Variants in NELL1 observed in about 807,000 individuals in gnomAD.
NELL1 encodes the protein protein kinase C-binding protein NELL1.
Under a neutral mutation model 107.4 loss-of-function variants are expected in NELL1, and 76 were observed. The ratio of observed to expected loss-of-function variants is 0.71; its 90% CI spans 0.59 to 0.86. The LOEUF is 0.86. Among genes scored for constraint, NELL1 ranks in the 40% least tolerant of loss-of-function variants. NELL1 has a pLI of 0.00. For missense variants in NELL1, 1,024 were observed against 1,005.5 expected (o/e 1.02, Z -0.25); for synonymous variants, 353 against 341.2 (o/e 1.03, Z -0.38).
At chr11:21,337,837 T>TTGCTTGCTTTCTTTC (rs1555006224) in intron 14 of NELL1, among the ~76,000 whole-genome samples, 4 of 86,614 alleles carry the variant, frequency 4.6e-5, no homozygotes, top group African/African-American at 1.4e-4. Context: ...TCTTTCTTTC[T>TTGCTTGCTTTCTTTC]TTTCTTTCTT....
intron 15 of NELL1, among the ~76,000 whole-genome samples, chr11:21,436,292 G>T (rs913527742): frequency 6.6e-6 from 1 of 152,000 alleles, no homozygotes; most frequent in Non-Finnish European, 1.5e-5. Flanking sequence ...TGACCTCGTG[G>T]TCAGCCCGCC....
At chr11:20,728,600 T>C (rs1855561753) in intron 2 of NELL1, among the ~76,000 whole-genome samples, 1 of 152,074 alleles carries the variant, frequency 6.6e-6, no homozygotes, top group Admixed American at 6.6e-5. Flanking sequence ...TTTTCAACTT[T>C]GTTAATAATT....
At chr11:21,314,781 G>A (rs1849837562) in intron 14 of NELL1, among the ~76,000 whole-genome samples, 2 of 152,232 alleles carry the variant, frequency 1.3e-5, no homozygotes, top group Middle Eastern at 3.4e-3. Context: ...AAGGTGAGCT[G>A]ACATTTTAGA....
intron 15 of NELL1, among the ~76,000 whole-genome samples, chr11:21,484,604 T>C (rs1347727197): frequency 6.6e-6 from 1 of 151,394 alleles, no homozygotes; most frequent in Non-Finnish European, 1.5e-5. Context: ...GTATAGTAGA[T>C]GATATGCATA....
At chr11:20,794,844 C>T (rs999913448) in intron 3 of NELL1, among the ~76,000 whole-genome samples, 10 of 152,062 alleles carry the variant, frequency 6.6e-5, no homozygotes, top group East Asian at 1.9e-4. Flanking sequence ...TGGTAATGTT[C>T]GATTTTCAGT....
chr11:20,975,834 C>CATATGTGTATTATATATACAT (rs1263271108), intron 12 of NELL1, among the ~76,000 whole-genome samples: 11 of 117,208 alleles, frequency 9.4e-5, no homozygotes, highest in Non-Finnish European at 1.9e-4. Context: ...TATATATGTA[C>CATATGTGTATTATATATACAT]ATATGTGTAT....
intron 12 of NELL1, among the ~76,000 whole-genome samples, chr11:21,041,699 C>T (rs1853236410): frequency 6.6e-6 from 1 of 152,172 alleles, no homozygotes; most frequent in Non-Finnish European, 1.5e-5. Context: ...AAACCTAGAC[C>T]TTGATTTAGT....
intron 2 of NELL1, among the ~76,000 whole-genome samples, chr11:20,696,891 A>G (rs1216734395): frequency 6.6e-5 from 10 of 152,172 alleles, no homozygotes; most frequent in Non-Finnish European, 1.5e-4. Context: ...ATAAAACAAA[A>G]GTGAGGTATG....
intron 13 of NELL1, among the ~76,000 whole-genome samples, chr11:21,150,601 G>A (rs1245850980): frequency 6.6e-6 from 1 of 152,178 alleles, no homozygotes; most frequent in Non-Finnish European, 1.5e-5. Context: ...AGGACACTGA[G>A]ATAAAAGTAT....
chr11:20,724,507 T>C (rs4922994), intron 2 of NELL1, among the ~76,000 whole-genome samples: 80,579 of 152,002 alleles, frequency 0.53, 23,861 homozygotes, highest in Middle Eastern at 0.75. Flanking sequence ...CATAGATTCC[T>C]AGGGCAGGGG....
At chr11:21,273,711 GA>G (rs1848791512) in intron 14 of NELL1, among the ~76,000 whole-genome samples, 1 of 152,234 alleles carries the variant, frequency 6.6e-6, no homozygotes. Flanking sequence ...TCTCTCGGCA[GA>G]AACTCTACAA....
intron 13 of NELL1, among the ~76,000 whole-genome samples, chr11:21,227,171 TTTCTC>T (rs1200925979): frequency 1.3e-5 from 2 of 152,188 alleles, no homozygotes; most frequent in African/African-American, 2.4e-5. Context: ...CAAGAGGACT[TTTCTC>T]TTCTCTCCAT....
intron 14 of NELL1, among the ~76,000 whole-genome samples, chr11:21,258,391 CA>C (rs1249158865): frequency 6.6e-6 from 1 of 151,850 alleles, no homozygotes; most frequent in Non-Finnish European, 1.5e-5. Context: ...TCCAGAGAAA[CA>C]GAAGTAATAG....
intron 12 of NELL1, among the ~76,000 whole-genome samples, chr11:21,059,624 G>T (rs574777183): frequency 6.2e-4 from 94 of 152,188 alleles, no homozygotes; most frequent in African/African-American, 2.3e-3. Flanking sequence ...ATACACTAGG[G>T]TCTGAAAGTG....
At chr11:20,885,953 G>GA (rs928631666) in intron 5 of NELL1, among the ~76,000 whole-genome samples, 2 of 152,184 alleles carry the variant, frequency 1.3e-5, no homozygotes, top group African/African-American at 4.8e-5. Flanking sequence ...GTCTAGATAT[G>GA]AAAAATACAT....
At chr11:20,760,801 A>C (rs1036759756) in intron 2 of NELL1, among the ~76,000 whole-genome samples, 28 of 152,198 alleles carry the variant, frequency 1.8e-4, no homozygotes, top group Admixed American at 1.8e-3. Context: ...TTACCACTAA[A>C]TCTGAAGTAT....
At chr11:20,936,847 A>G (rs775062464) in intron 9 of NELL1, among the ~76,000 whole-genome samples, 4 of 152,220 alleles carry the variant, frequency 2.6e-5, no homozygotes, top group Admixed American at 1.3e-4. Context: ...TTTAGCAGAT[A>G]CAGATATAGA....
chr11:21,522,990 G>A (rs779075839), intron 15 of NELL1, among the ~76,000 whole-genome samples: 27 of 150,986 alleles, frequency 1.8e-4, no homozygotes, highest in Admixed American at 6.6e-5. Context: ...GACTACAGGC[G>A]CCCACCACCA....
At chr11:20,923,365 A>G (rs1850422319) in intron 7 of NELL1, among the ~76,000 whole-genome samples, 1 of 152,228 alleles carries the variant, frequency 6.6e-6, no homozygotes, top group Admixed American at 6.5e-5. Flanking sequence ...GACAGAGGTC[A>G]GGGTAGATAA....
Sources: allele counts gnomAD v4.1 joint callset (sites outside exome capture counted in the v4.1 genomes callset), GRCh38; gene constraint gnomAD v4.1.1; transcripts MANE v1.5; gene names NCBI Gene and HGNC (gene_info 2026-07-23, HGNC 2026-07-21).